The following FMNL3 variants were observed in gnomAD, a reference collection of about 807,000 sequenced individuals.
FMNL3 encodes the protein formin-like protein 3.
A neutral mutation model predicts 119.6 loss-of-function variants in FMNL3; 57 were observed. The ratio of observed to expected loss-of-function variants is 0.48; its 90% CI spans 0.39 to 0.59. The LOEUF is 0.59. FMNL3 is among the 20% of genes least tolerant of loss of function. The pLI, the probability that FMNL3 is intolerant of heterozygous loss-of-function variation, is 0.00. For missense variants in FMNL3, 1,053 were observed against 1,323.5 expected (o/e 0.80, Z 3.17); for synonymous variants, 491 against 507.3 (o/e 0.97, Z 0.43).
chr12:49,669,558 G>A (rs899855259), intron 1 of FMNL3, among the ~76,000 whole-genome samples: 4 of 152,282 alleles, frequency 2.6e-5, no homozygotes, highest in African/African-American at 9.6e-5. Context: ...TGGGCCAGAT[G>A]CAGTAGCTCA....
chr12:49,658,485 A>G lies in FMNL3; in HGVS notation c.562T>C (p.Phe188Leu). The G allele has an allele frequency of 6.2e-7, 1 of 1,613,016 alleles. No individual in the cohort carries two copies. Among genetic ancestry groups the G allele is most frequent in the Non-Finnish European group, 8.5e-7 (1 of 1,179,402 alleles). ...LQPPSALSAP[F>L]TNSLARSARQ... ...GCAGAGCGAGCGAGGCTGTTGGTGA[A>G]GGGGGCCGACAGGGCGCTGGGTGGC... Residue 188 changes from phenylalanine (F) to leucine (L), a missense_variant, in exon 6 of 26, where the codon TTC (phenylalanine) becomes CTC (leucine). Around this residue, in one of 4 missense-constraint regions of FMNL3, gnomAD observed 264 missense variants for 265.5 expected, o/e 0.99. Coordinates refer to ENST00000335154, the MANE Select transcript of FMNL3 (RefSeq NM_175736.5).
chr12:49,693,830 T>C (rs369873761), intron 1 of FMNL3, among the ~76,000 whole-genome samples: 199 of 151,670 alleles, frequency 1.3e-3, no homozygotes, highest in South Asian at 0.011. Context: ...GTATTTTTAG[T>C]AGAGGCGGGG....
At chr12:49,696,602 A>C (rs974887498) in intron 1 of FMNL3, among the ~76,000 whole-genome samples, 2 of 152,234 alleles carry the variant, frequency 1.3e-5, no homozygotes. Flanking sequence ...TTGAATCCAC[A>C]GATACAGAAC....
chr12:49,666,924 A>G (rs1412491092), intron 2 of FMNL3, among the ~76,000 whole-genome samples: 1 of 152,216 alleles, frequency 6.6e-6, no homozygotes, highest in Non-Finnish European at 1.5e-5. Flanking sequence ...CTCAGCAATG[A>G]ACTCTGCAGT....
chr12:49,684,629 T>C (rs1944413177), intron 1 of FMNL3, among the ~76,000 whole-genome samples: 1 of 152,088 alleles, frequency 6.6e-6, no homozygotes, highest in Non-Finnish European at 1.5e-5. Flanking sequence ...TGTTGCCCCA[T>C]AAATGCACAA....
intron 1 of FMNL3, among the ~76,000 whole-genome samples, chr12:49,681,599 C>T (rs1242167522): frequency 6.6e-6 from 1 of 152,216 alleles, no homozygotes; most frequent in Non-Finnish European, 1.5e-5. Flanking sequence ...ACTCTGCTGC[C>T]CAGGCTGGAG....
intron 1 of FMNL3, among the ~76,000 whole-genome samples, chr12:49,692,281 G>C (rs1346900999): frequency 6.6e-6 from 1 of 151,326 alleles, no homozygotes; most frequent in Admixed American, 6.6e-5. Flanking sequence ...TTGAGACTGT[G>C]ATCACACTAC....
rs771402780 is a variant in FMNL3, at chr12:49,642,654, G to C, written c.*3161C>G. 4 of 1,614,146 alleles carry C rather than the reference G, an allele frequency of 2.5e-6. No homozygotes were observed. In the South Asian group the frequency reaches 4.4e-5, roughly 18 times the overall value. ...AGTCGGAGCGGATCCGGCTCTTCCG[G>C]GAGTTCCTACAGGTGCTGGAGGTGA... On this transcript the variant is annotated 3_prime_UTR_variant, in exon 26 of 26. Transcript: ENST00000335154. The surrounding 1 kb of genome is among the most constrained non-coding windows in gnomAD (Gnocchi z 5.8).
chr12:49,652,013 G>C lies in FMNL3; in HGVS notation c.1523C>G (p.Pro508Arg). 1 of 1,607,070 alleles carries C rather than the reference G, an allele frequency of 6.2e-7. No homozygotes were observed. Among genetic ancestry groups the C allele is most frequent in the Non-Finnish European group, 8.5e-7 (1 of 1,176,784 alleles). The part of the protein sequence containing the change: ...MPPSDLDLLA[P>R]APPPEEVLPL... ...CAGGACCTCCTCAGGGGGTGGGGCT[G>C]GAGCCAGAAGGTCCAGGTCGGAGGG... is the stretch of plus-strand genomic sequence containing the variant. Residue 508 changes from proline (P) to arginine (R), a missense_variant, in exon 14 of 26, where the codon CCA (proline) becomes CGA (arginine). By Grantham distance (103) the Pro-to-Arg change is moderately radical. Transcript: ENST00000335154.
intron 1 of FMNL3, among the ~76,000 whole-genome samples, chr12:49,677,119 C>A (rs1278169564): frequency 6.6e-6 from 1 of 152,198 alleles, no homozygotes; most frequent in Non-Finnish European, 1.5e-5. Context: ...CTCCAATTCA[C>A]AACAGGTGAA....
At chr12:49,698,945 C>A (rs985514731) in intron 1 of FMNL3, among the ~76,000 whole-genome samples, 5 of 152,104 alleles carry the variant, frequency 3.3e-5, no homozygotes, top group Non-Finnish European at 7.4e-5. Context: ...TCAGAAGTAC[C>A]CAGCAAGAAG....
intron 1 of FMNL3, among the ~76,000 whole-genome samples, chr12:49,700,257 T>G (rs923561245): frequency 8.6e-5 from 13 of 151,290 alleles, no homozygotes; most frequent in African/African-American, 3.2e-4. Context: ...CCAGGCGTGG[T>G]GGCGGGCGCC....
chr12:49,647,179 G>T lies in FMNL3; in HGVS notation c.2871+97C>A. On this transcript the variant is annotated intron_variant, in intron 24 of 25. Coordinates refer to ENST00000335154, the MANE Select transcript of FMNL3 (RefSeq NM_175736.5). The surrounding 1 kb of genome is among the most constrained non-coding windows in gnomAD (Gnocchi z 4.9). ...AGCCCACTGGCCCTCTGGGTGGTCT[G>T]TCCACTCCAAGTTTTCATCTCCTCT... 1 of 1,564,292 alleles carries T rather than the reference G, an allele frequency of 6.4e-7. No homozygotes were observed. The highest frequency in any genetic ancestry group is 8.8e-7 in the Non-Finnish European group (1 of 1,140,344).
chr12:49,673,556 AGCTGTGGCCAGTTGGGCCCT>A (rs966849737), intron 1 of FMNL3, among the ~76,000 whole-genome samples: 48 of 152,400 alleles, frequency 3.1e-4, no homozygotes, highest in African/African-American at 1.1e-3. Flanking sequence ...CAGTAGGCAC[AGCTGTGGCCAGTTGGGCCCT>A]GCTCCCAAAG....
intron 5 of FMNL3, chr12:49,659,798 A>T: frequency 1.0e-6 from 1 of 985,162 alleles, no homozygotes; most frequent in Non-Finnish European, 1.2e-6. Flanking sequence ...TATCATCCTC[A>T]CTTCAGGATA....
At chr12:49,705,003 G>T (rs1213337357) in intron 1 of FMNL3, among the ~76,000 whole-genome samples, 5 of 152,260 alleles carry the variant, frequency 3.3e-5, no homozygotes, top group African/African-American at 1.2e-4. Flanking sequence ...TGTTCCCAAA[G>T]CATGGTAGAA....
At position 49,707,318 on chromosome 12, in the gene FMNL3, G is replaced by C. The variant is rs539369778; in HGVS notation, c.-138C>G. ...CCTCGGCCCCGTCGAGGGCGCCGGG[G>C]GTTCCCTGGAGTCCCGCTGGCGGGG... On this transcript the variant is annotated 5_prime_UTR_variant, in exon 1 of 26. Transcript: ENST00000335154. The C allele has an allele frequency of 8.8e-5, 70 of 797,488 alleles. 3 individuals carry two copies. The South Asian group carries it at 1.7e-3, about 20-fold the overall frequency. 49.4% of individuals were successfully genotyped at this position (797,488 alleles called of 1,614,324 possible).
At chr12:49,704,848 G>C (rs770902344) in intron 1 of FMNL3, among the ~76,000 whole-genome samples, 1 of 151,814 alleles carries the variant, frequency 6.6e-6, no homozygotes, top group Non-Finnish European at 1.5e-5. Context: ...CCATTTTACA[G>C]ATGAGGAAGA....
chr12:49,672,960 C>T (rs965602634), intron 1 of FMNL3, among the ~76,000 whole-genome samples: 4 of 152,288 alleles, frequency 2.6e-5, no homozygotes, highest in Middle Eastern at 3.4e-3. Flanking sequence ...GGGAGAGAGA[C>T]GTTTGTAATG....
Sources: allele counts gnomAD v4.1 joint callset (sites outside exome capture counted in the v4.1 genomes callset), GRCh38; gene constraint gnomAD v4.1.1; regional missense constraint gnomAD v4.1.1; non-coding constraint Gnocchi (gnomAD v3.1); transcripts MANE v1.5; gene names NCBI Gene and HGNC (gene_info 2026-07-23, HGNC 2026-07-21).